Variants in CTNND2 observed in about 807,000 individuals in gnomAD.
The protein encoded by CTNND2 is catenin delta-2.
A neutral mutation model predicts 144.4 loss-of-function variants in CTNND2; 22 were observed. The ratio of observed to expected loss-of-function variants is 0.15; its 90% confidence interval spans 0.11 to 0.22. The LOEUF (loss-of-function observed/expected upper bound fraction) is 0.22. Among genes scored for constraint, CTNND2 ranks in the 10% least tolerant of loss-of-function variants. The pLI, the probability that CTNND2 is intolerant of heterozygous loss-of-function variation, is 1.00. For missense variants in CTNND2, 1,353 were observed against 1,618.8 expected, an observed-to-expected ratio of 0.84 and a Z score of 2.82; for synonymous variants, 751 against 695.6, an observed-to-expected ratio of 1.08 and a Z score of -1.25.
chr5:11,597,875 G>A (rs1779594079), intron 2 of CTNND2, among the ~76,000 whole-genome samples: 1 of 152,108 alleles, frequency 6.6e-6, no homozygotes, highest in African/African-American at 2.4e-5. Flanking sequence ...AATAGTCTTT[G>A]AAAATATAAT....
intron 8 of CTNND2, among the ~76,000 whole-genome samples, chr5:11,348,446 A>T (rs1485575961): frequency 6.7e-6 from 1 of 149,258 alleles, no homozygotes; most frequent in African/African-American, 2.4e-5. Context: ...GCAAAAAAAA[A>T]AAAAAAAAAA....
rs561077963 is a variant in CTNND2 at position 11,003,648 on chromosome 5, T to C, written c.3085-10971A>G. 1.1e-3 allele frequency among the ~76,000 whole-genome samples: 173 copies of C among 152,232 alleles called. 2 individuals carry two copies. Among genetic ancestry groups the C allele is most frequent in the Non-Finnish European group, 2.0e-3 (139 of 68,044 alleles). ...GCTTAACTACAAAACCTTCTGCTCC[T>C]CTCTGCTGTAATAAAACAAGCTCCC... On this transcript the variant is annotated intron_variant, in intron 18 of 21. Transcript: ENST00000304623.
chr5:11,705,594 T>C (rs1371874215), intron 2 of CTNND2, among the ~76,000 whole-genome samples: 8 of 152,202 alleles, frequency 5.3e-5, no homozygotes, highest in Admixed American at 5.2e-4. Flanking sequence ...GCTTTATTCA[T>C]ATAGGAACAT....
Position 11,346,634 on chromosome 5 carries a change from C to A in CTNND2, c.1373-7G>T. On this transcript the variant is annotated splice_region_variant and splice_polypyrimidine_tract_variant and intron_variant, in intron 8 of 21. Transcript: ENST00000304623. ...ACACCAGGGGAAGATGGGGCTACGA[C>A]AGGAAAGTAGGGACAAAGTAAAAAA... 1.4e-6 allele frequency: 2 copies of A among 1,468,718 alleles called. No individual in the cohort carries two copies. Among genetic ancestry groups the A allele is most frequent in the Non-Finnish European group, 1.8e-6 (2 of 1,106,632 alleles). The allele number at this position is 1,468,718 out of a possible 1,614,324, so 91.0% of individuals were successfully genotyped here. A position where few individuals can be genotyped will look rare whatever the true frequency, so the allele number is the denominator to read the frequency against.
At chr5:11,892,022 C>G (rs1370624540) in intron 1 of CTNND2, among the ~76,000 whole-genome samples, 1 of 152,238 alleles carries the variant, frequency 6.6e-6, no homozygotes, top group Non-Finnish European at 1.5e-5. Flanking sequence ...GTCCTACCAT[C>G]TTCTCTTGGT....
chr5:11,246,028 G>A (rs924351404), intron 9 of CTNND2, among the ~76,000 whole-genome samples: 1 of 152,182 alleles, frequency 6.6e-6, no homozygotes, highest in Non-Finnish European at 1.5e-5. Flanking sequence ...CCTGCAGGCT[G>A]CCTGCCTGCT....
At chr5:11,268,982 GC>G (rs1400498171) in intron 9 of CTNND2, among the ~76,000 whole-genome samples, 1 of 152,202 alleles carries the variant, frequency 6.6e-6, no homozygotes, top group Non-Finnish European at 1.5e-5. Context: ...TTTCAACCAT[GC>G]ATAAATGCTC....
At chr5:11,878,453 G>T (rs1052762600) in intron 1 of CTNND2, among the ~76,000 whole-genome samples, 2 of 152,154 alleles carry the variant, frequency 1.3e-5, no homozygotes. Context: ...TGTACCTTCA[G>T]TTTACTTCAA....
At chr5:11,666,759 T>C (rs577161385) in intron 2 of CTNND2, among the ~76,000 whole-genome samples, 7 of 152,212 alleles carry the variant, frequency 4.6e-5, no homozygotes, top group African/African-American at 1.7e-4. Flanking sequence ...GAGAATCTGA[T>C]TTCTTATTTT....
intron 2 of CTNND2, among the ~76,000 whole-genome samples, chr5:11,579,380 G>C (rs1022729780): frequency 6.6e-6 from 1 of 152,134 alleles, no homozygotes; most frequent in East Asian, 1.9e-4. Flanking sequence ...CCAATGTGCG[G>C]AAGTGTCTTA....
chr5:11,439,757 T>TATCTATCTATCTATC (rs1359376711), intron 3 of CTNND2, among the ~76,000 whole-genome samples: 21 of 120,966 alleles, frequency 1.7e-4, no homozygotes, highest in African/African-American at 5.6e-4. Flanking sequence ...TCTATCTATC[T>TATCTATCTATCTATC]ATCTATCTAT....
chr5:11,344,223 TCTA>T (rs1402611208), intron 9 of CTNND2, among the ~76,000 whole-genome samples: 1 of 152,104 alleles, frequency 6.6e-6, no homozygotes, highest in Non-Finnish European at 1.5e-5. Context: ...AAACCCCGTC[TCTA>T]CTAAAAATAC....
At chr5:11,799,049 T>C (rs1213678981) in intron 1 of CTNND2, among the ~76,000 whole-genome samples, 6 of 152,192 alleles carry the variant, frequency 3.9e-5, no homozygotes, top group Middle Eastern at 3.2e-3. Context: ...TTTGTCAATA[T>C]TCTTTTTTCC....
At chr5:11,365,132 C>T (rs1222462554) in intron 7 of CTNND2, among the ~76,000 whole-genome samples, 7 of 152,220 alleles carry the variant, frequency 4.6e-5, no homozygotes, top group Non-Finnish European at 7.3e-5. Context: ...GATAAACCCA[C>T]ATGGAACAAG....
chr5:11,366,618 TG>T (rs1402805232), intron 7 of CTNND2, among the ~76,000 whole-genome samples: 1 of 152,200 alleles, frequency 6.6e-6, no homozygotes, highest in African/African-American at 2.4e-5. Context: ...TTTGAGTTCC[TG>T]TTGTCAATTC....
At chr5:11,797,567 C>G (rs577483435) in intron 1 of CTNND2, among the ~76,000 whole-genome samples, 1 of 152,154 alleles carries the variant, frequency 6.6e-6, no homozygotes, top group African/African-American at 2.4e-5. Context: ...AAATATTCAC[C>G]TCTAAGCTCC....
At chr5:11,588,120 AG>A (rs1778994279) in intron 2 of CTNND2, among the ~76,000 whole-genome samples, 1 of 152,168 alleles carries the variant, frequency 6.6e-6, no homozygotes, top group Non-Finnish European at 1.5e-5. Context: ...ATTGTATTCT[AG>A]TTCTAGTATA....
intron 16 of CTNND2, among the ~76,000 whole-genome samples, chr5:11,048,077 G>A (rs1745460783): frequency 6.6e-6 from 1 of 152,116 alleles, no homozygotes; most frequent in Non-Finnish European, 1.5e-5. Flanking sequence ...CACAGCACAA[G>A]GGTCCATTCA....
chr5:11,694,913 C>G (rs1785075478), intron 2 of CTNND2, among the ~76,000 whole-genome samples: 2 of 152,152 alleles, frequency 1.3e-5, no homozygotes. Flanking sequence ...GACTTGGAAC[C>G]CCAATGTGTT....
Sources: gnomAD v4.1 joint callset for allele counts (sites outside exome capture counted in the v4.1 genomes callset) on GRCh38, gnomAD v4.1.1 for gene constraint, MANE v1.5 for transcripts, NCBI Gene and HGNC (gene_info 2026-07-23, HGNC 2026-07-21) for gene names.